The following COBL variants were observed in gnomAD, a reference collection of about 807,000 sequenced individuals.
COBL encodes protein cordon-bleu.
Under a neutral mutation model 98.8 loss-of-function variants are expected in COBL, and 51 were observed. The ratio of observed to expected loss-of-function variants is 0.52; its 90% CI spans 0.41 to 0.65. The LOEUF is 0.65. COBL is among the 30% of genes least tolerant of loss of function. The pLI is 0.00. For synonymous variants in COBL, 634 were observed against 651.7 expected, an observed-to-expected ratio of 0.97 and a Z score of 0.41; for missense variants, 1,617 against 1,617.5, an observed-to-expected ratio of 1.00 and a Z score of 0.01.
intron 2 of COBL, among the ~76,000 whole-genome samples, chr7:51,209,055 A>AC (rs1204777046): frequency 2.6e-5 from 3 of 114,896 alleles, no homozygotes; most frequent in Non-Finnish European, 3.9e-5. Context: ...TTAAAAAAAA[A>AC]AAAAAAAAAA....
At chr7:51,210,444 G>A (rs935833498) in intron 2 of COBL, among the ~76,000 whole-genome samples, 3 of 152,158 alleles carry the variant, frequency 2.0e-5, no homozygotes, top group African/African-American at 4.8e-5. Flanking sequence ...GCTGGAACCC[G>A]CACCCAGGAC....
chr7:51,262,656 G>A (rs534984477), intron 1 of COBL, among the ~76,000 whole-genome samples: 22 of 152,332 alleles, frequency 1.4e-4, no homozygotes, highest in African/African-American at 5.3e-4. Flanking sequence ...TCACATGGAC[G>A]TCTGGGGCAA....
At chr7:51,193,720 C>T in intron 2 of COBL, 131 bp from the exon 3 acceptor site, 1 of 762,856 alleles carries the variant, frequency 1.3e-6, no homozygotes, top group Non-Finnish European at 2.1e-6. Context: ...AAAAAGACAA[C>T]AGAAGCTCAT....
intron 8 of COBL, among the ~76,000 whole-genome samples, chr7:51,036,605 G>A (rs2128880506): frequency 6.6e-6 from 1 of 152,182 alleles, no homozygotes; most frequent in South Asian, 2.1e-4. Context: ...CAAGCCTGCA[G>A]GTAACAGCAC....
intron 6 of COBL, among the ~76,000 whole-genome samples, chr7:51,095,090 C>A (rs1204307202): frequency 1.3e-5 from 2 of 152,266 alleles, no homozygotes; most frequent in African/African-American, 4.8e-5. Flanking sequence ...AAAGAATGGG[C>A]AATTTATAAA....
intron 1 of COBL, among the ~76,000 whole-genome samples, chr7:51,224,144 G>A: frequency 6.6e-6 from 1 of 152,184 alleles, no homozygotes; most frequent in Non-Finnish European, 1.5e-5. Flanking sequence ...TGTGTAGTAG[G>A]CTCTACCATG....
At chr7:51,114,112 A>C (rs904256274) in intron 6 of COBL, among the ~76,000 whole-genome samples, 3 of 152,200 alleles carry the variant, frequency 2.0e-5, no homozygotes, top group Admixed American at 6.5e-5. Context: ...CTCCACCTTT[A>C]TATGTGCAGG....
rs1161802439 is a variant in COBL at position 51,058,001 on chromosome 7, TTTTC to T, written c.1097-14313_1097-14310del. Among the ~76,000 whole-genome samples the T allele has an allele frequency of 3.3e-5, 5 of 152,218 alleles. No individual in the cohort carries two copies. The South Asian group carries it at 6.2e-4, about 19-fold the overall frequency. ...ATTTTAGTTTTTAAAATGAAGTTTG[TTTTC>T]TTTTTCTTTCATATAGAAAGTAAGG... On this transcript the variant is annotated intron_variant, in intron 7 of 12. Coordinates refer to ENST00000265136, the MANE Select transcript of COBL (RefSeq NM_015198.5).
At chr7:51,300,217 G>C (rs1322060239) in intron 1 of COBL, among the ~76,000 whole-genome samples, 1 of 152,132 alleles carries the variant, frequency 6.6e-6, no homozygotes. Context: ...CTGGAGTGCA[G>C]TGGCATCATG....
At chr7:51,086,925 A>C (rs1445679520) in intron 6 of COBL, among the ~76,000 whole-genome samples, 1 of 152,218 alleles carries the variant, frequency 6.6e-6, no homozygotes, top group African/African-American at 2.4e-5. Flanking sequence ...CCCCATAAAG[A>C]TGAGTCAAAA....
intron 6 of COBL, among the ~76,000 whole-genome samples, chr7:51,109,067 C>T (rs868004490): frequency 1.3e-5 from 2 of 152,302 alleles, no homozygotes; most frequent in African/African-American, 4.8e-5. Context: ...AGTGTGGCAC[C>T]TGTGTGAATG....
intron 5 of COBL, among the ~76,000 whole-genome samples, chr7:51,142,972 G>T (rs1282083455): frequency 6.6e-6 from 1 of 152,272 alleles, no homozygotes; most frequent in South Asian, 2.1e-4. Flanking sequence ...AGCCAAGCCA[G>T]GGGGAGGGAG....
chr7:51,080,834 G>T (rs78526823), intron 7 of COBL, among the ~76,000 whole-genome samples: 2,960 of 152,228 alleles, frequency 0.019, 98 homozygotes, highest in African/African-American at 0.067. Context: ...GCACTCAGGC[G>T]CCAACAGCCT....
chr7:51,087,854 G>A (rs907397014), intron 6 of COBL, among the ~76,000 whole-genome samples: 5 of 148,334 alleles, frequency 3.4e-5, no homozygotes, highest in South Asian at 2.1e-4. Context: ...CACAAGATGC[G>A]TATGAGGAAG....
At chr7:51,022,670 G>C (rs917440737) in intron 12 of COBL, 6 of 152,166 alleles carry the variant, frequency 3.9e-5, no homozygotes, top group Non-Finnish European at 8.8e-5. Context: ...TGTGGACCTC[G>C]GGCCAGCTTT....
intron 1 of COBL, among the ~76,000 whole-genome samples, chr7:51,223,852 A>T (rs1311586901): frequency 6.6e-6 from 1 of 152,220 alleles, no homozygotes; most frequent in Non-Finnish European, 1.5e-5. Context: ...TTCAATTATT[A>T]TTTAACAATT....
intron 8 of COBL, among the ~76,000 whole-genome samples, chr7:51,040,267 AAC>A (rs557914598): frequency 1.7e-4 from 25 of 149,968 alleles, no homozygotes; most frequent in Non-Finnish European, 2.4e-4. Context: ...TCCCCTCAAA[AAC>A]ACACACACAC....
intron 1 of COBL, among the ~76,000 whole-genome samples, chr7:51,301,553 T>C (rs1801968796): frequency 6.6e-6 from 1 of 152,184 alleles, no homozygotes; most frequent in South Asian, 2.1e-4. Context: ...CTCTCTTCTT[T>C]CCTCCGGGAC....
At chr7:51,039,734 C>G (rs956088374) in intron 8 of COBL, among the ~76,000 whole-genome samples, 6 of 152,346 alleles carry the variant, frequency 3.9e-5, no homozygotes, top group Middle Eastern at 3.4e-3. Context: ...ATCGATGCAG[C>G]CTTCAGTCCT....
Sources: allele counts gnomAD v4.1 joint callset (sites outside exome capture counted in the v4.1 genomes callset), GRCh38; gene constraint gnomAD v4.1.1; transcripts MANE v1.5; gene names NCBI Gene and HGNC (gene_info 2026-07-23, HGNC 2026-07-21).